Variants in UNC13C observed in about 807,000 individuals in gnomAD.
UNC13C encodes protein unc-13 homolog C.
A neutral mutation model predicts 245.4 loss-of-function variants in UNC13C; 174 were observed. That is an observed-to-expected ratio of 0.71 (90% CI 0.63 to 0.80). The LOEUF is 0.80. Ranked by LOEUF, UNC13C falls within the 30% of genes least tolerant of loss-of-function variation. The pLI, the probability that UNC13C is intolerant of heterozygous loss-of-function variation, is 0.00. For missense variants in UNC13C, 2,829 were observed against 2,602.9 expected, an observed-to-expected ratio of 1.09 and a Z score of -1.89; for synonymous variants, 992 against 895.1, an observed-to-expected ratio of 1.11 and a Z score of -1.93.
At chr15:54,391,781 T>C (rs2039962129) in intron 17 of UNC13C, among the ~76,000 whole-genome samples, 1 of 152,132 alleles carries the variant, frequency 6.6e-6, no homozygotes, top group Admixed American at 6.6e-5. Flanking sequence ...AAGTACATTA[T>C]AGTCTAAGAA....
chr15:54,521,398 A>G (rs1463255641), intron 24 of UNC13C, among the ~76,000 whole-genome samples: 1 of 152,204 alleles, frequency 6.6e-6, no homozygotes. Context: ...TAAAATTCAC[A>G]CTAAAGATCT....
At chr15:53,895,066 A>G in the UNC13C span, among the ~76,000 whole-genome samples, 1 of 152,118 alleles carries the variant, frequency 6.6e-6, no homozygotes, top group Admixed American at 6.5e-5. Context: ...ATCATTCCTT[A>G]GAAATTTTTT....
At chr15:54,488,372 A>G (rs934559548) in intron 19 of UNC13C, among the ~76,000 whole-genome samples, 4 of 152,196 alleles carry the variant, frequency 2.6e-5, no homozygotes, top group Admixed American at 2.6e-4. Context: ...TATTAGAGCT[A>G]GAGCAGTCTG....
chr15:54,040,837 G>A (rs1298252508), intron 2 of UNC13C, among the ~76,000 whole-genome samples: 3 of 152,128 alleles, frequency 2.0e-5, no homozygotes, highest in Admixed American at 6.5e-5. Context: ...TCTTGCCTCA[G>A]GTATTCACTT....
At chr15:54,394,538 T>C (rs1180349323) in intron 18 of UNC13C, among the ~76,000 whole-genome samples, 1 of 151,864 alleles carries the variant, frequency 6.6e-6, no homozygotes, top group Non-Finnish European at 1.5e-5. Context: ...TGTTTTCTTA[T>C]TTACTCTTTG....
intron 2 of UNC13C, among the ~76,000 whole-genome samples, chr15:54,076,198 G>A (rs562401507): frequency 4.2e-4 from 62 of 149,320 alleles, no homozygotes; most frequent in Non-Finnish European, 8.8e-4. Context: ...ATGCTGGTGC[G>A]CTGCACCCAC....
chr15:54,050,785 A>G (rs747066615), intron 2 of UNC13C: 57 of 590,560 alleles, frequency 9.7e-5, no homozygotes, highest in Admixed American at 1.5e-4. Flanking sequence ...GATCATCACT[A>G]TATGAATACA....
chr15:54,589,286 CTTCTTTTTTTTTTTTTTT>C (rs1171660374), intron 30 of UNC13C, among the ~76,000 whole-genome samples: 3 of 77,922 alleles, frequency 3.9e-5, no homozygotes, highest in Non-Finnish European at 7.7e-5. Context: ...TCTTCTTCTT[CTTCTTTTTTTTTTTTTTT>C]TTTTTTTTTT....
intron 2 of UNC13C, among the ~76,000 whole-genome samples, chr15:54,039,927 G>A (rs1317333484): frequency 1.3e-5 from 2 of 151,572 alleles, no homozygotes; most frequent in East Asian, 3.9e-4. Context: ...AGTAGCCAGA[G>A]TGAGGCTGTT....
chr15:54,442,153 C>T (rs73419647), intron 19 of UNC13C, among the ~76,000 whole-genome samples: 1 of 151,444 alleles, frequency 6.6e-6, no homozygotes, highest in African/African-American at 2.4e-5. Context: ...AATTTTGATG[C>T]CTTTTTTTCT....
chr15:54,081,747 C>G (rs147000905), intron 2 of UNC13C, among the ~76,000 whole-genome samples: 207 of 152,110 alleles, frequency 1.4e-3, no homozygotes, highest in African/African-American at 4.7e-3. Context: ...ATCCAATTTT[C>G]CACTCTATGT....
At chr15:54,258,834 A>G (rs1035719015) in intron 8 of UNC13C, among the ~76,000 whole-genome samples, 6 of 152,248 alleles carry the variant, frequency 3.9e-5, no homozygotes, top group Non-Finnish European at 8.8e-5. Flanking sequence ...TGAAGAAGCT[A>G]AAGTTGAGAG....
At chr15:54,403,410 A>G (rs762127826) in intron 18 of UNC13C, among the ~76,000 whole-genome samples, 67 of 152,044 alleles carry the variant, frequency 4.4e-4, no homozygotes, top group Non-Finnish European at 8.7e-4. Context: ...TGTCTCTGAC[A>G]TAAATAAATA....
chr15:54,002,738 A>G (rs938045846), intron 1 of UNC13C, among the ~76,000 whole-genome samples: 2 of 152,214 alleles, frequency 1.3e-5, no homozygotes, highest in Non-Finnish European at 2.9e-5. Context: ...TTAATCTCAA[A>G]CAGTTTCCAA....
At chr15:54,207,879 A>G (rs182851940) in intron 4 of UNC13C, among the ~76,000 whole-genome samples, 13 of 152,282 alleles carry the variant, frequency 8.5e-5, no homozygotes, top group Non-Finnish European at 1.8e-4. Flanking sequence ...GTGTTTTAGT[A>G]TGCTAATGTA....
downstream of UNC13C, chr15:54,629,303 A>AAGAT (rs1164365327): frequency 1.3e-5 from 2 of 152,102 alleles, no homozygotes; most frequent in African/African-American, 2.4e-5. Flanking sequence ...GAGGAGGGAA[A>AAGAT]AGATAAGAAA....
At chr15:54,506,145 C>G (rs984297361) in intron 22 of UNC13C, among the ~76,000 whole-genome samples, 11 of 152,152 alleles carry the variant, frequency 7.2e-5, no homozygotes, top group Admixed American at 2.0e-4. Flanking sequence ...AGAGGATTTT[C>G]ACACAGCCCA....
intron 19 of UNC13C, among the ~76,000 whole-genome samples, chr15:54,443,926 C>G (rs749113670): frequency 6.6e-6 from 1 of 151,938 alleles, no homozygotes; most frequent in Non-Finnish European, 1.5e-5. Flanking sequence ...TTCATTTGCT[C>G]TAAAATTTAG....
At chr15:54,059,159 GA>G (rs1447233498) in intron 2 of UNC13C, among the ~76,000 whole-genome samples, 4 of 152,112 alleles carry the variant, frequency 2.6e-5, no homozygotes, top group African/African-American at 7.2e-5. Context: ...ATTGGGAAAA[GA>G]AGAAGTCAAA....
Sources: gnomAD v4.1 joint callset for allele counts (sites outside exome capture counted in the v4.1 genomes callset) on GRCh38, gnomAD v4.1.1 for gene constraint, MANE v1.5 for transcripts, NCBI Gene and HGNC (gene_info 2026-07-23, HGNC 2026-07-21) for gene names.